Variants in TONSL observed in about 807,000 individuals in gnomAD.
TONSL encodes tonsoku like, DNA repair protein, also known as tonsoku-like protein.
Under a neutral mutation model 147.1 loss-of-function variants are expected in TONSL, and 112 were observed. The ratio of observed to expected loss-of-function variants is 0.76; its 90% CI spans 0.65 to 0.89. TONSL has a LOEUF of 0.89. TONSL is among the 40% of genes least tolerant of loss of function. The pLI is 0.00. For missense variants in TONSL, 1,883 were observed against 1,864.6 expected (o/e 1.01, Z -0.18); for synonymous variants, 868 against 801.5 (o/e 1.08, Z -1.40).
intron 11 of TONSL, 178 bp downstream of exon 11, chr8:144,439,843 C>G (rs904988845): frequency 2.2e-5 from 12 of 557,894 alleles, no homozygotes; most frequent in Non-Finnish European, 3.7e-5. Flanking sequence ...CAAGGCCGCC[C>G]CAGGCTCCCT....
At chr8:144,440,625 G>A (rs1341115716) in intron 9 of TONSL, 93 bp downstream of exon 9, 2 of 1,538,668 alleles carry the variant, frequency 1.3e-6, no homozygotes, top group Non-Finnish European at 1.8e-6. Flanking sequence ...TGCCCGTCCA[G>A]TAAGGACACC....
At chr8:144,440,905 C>T (rs1823693163) in intron 8 of TONSL, 35 bp from the exon 9 acceptor site, 5 of 1,612,426 alleles carry the variant, frequency 3.1e-6, no homozygotes, top group East Asian at 2.2e-5. Context: ...GGGGCTGCCA[C>T]CCTGGCCAGG....
In TONSL at chr8:144,435,903, G is replaced by A. The variant is rs200813129; in HGVS notation, c.2530C>T (p.Arg844Cys). Reference sequence around the variant, plus strand: ...CCCCGGGGGCGGGGCCGGCGGCTGCGGGTCAGGGGCATGTCCAGCTCCAGC... The same window carrying A: ...CCCCGGGGGCGGGGCCGGCGGCTGCAGGTCAGGGGCATGTCCAGCTCCAGC... ...DWLELDMPLT[R>C]SRRPRPRGTG... Residue 844 changes from arginine (R) to cysteine (C), a missense_variant, in exon 17 of 26, where the codon CGC becomes TGC. Transcript: ENST00000409379. 178 of 1,593,618 alleles carry A rather than the reference G, an allele frequency of 1.1e-4. 1 individual carries two copies. The African/African-American group carries it at 1.2e-3, about 11-fold the overall frequency.
At chr8:144,434,918 G>C (rs1475156319) in intron 19 of TONSL, 29 bp from the exon 20 acceptor site, 1 of 1,612,640 alleles carries the variant, frequency 6.2e-7, no homozygotes, top group Admixed American at 1.7e-5. Flanking sequence ...AGCCACCTGG[G>C]GGCTCCCCCG....
At chr8:144,432,494 G>A (rs1554878940) in intron 22 of TONSL, 34 bp from the exon 23 acceptor site, 1 of 1,516,438 alleles carries the variant, frequency 6.6e-7, no homozygotes, top group Non-Finnish European at 8.8e-7. Context: ...AGCCCCACGT[G>A]GCCACAGCCC....
chr8:144,434,956 T>A (rs951062344), intron 19 of TONSL, 61 bp downstream of exon 19: 26 of 1,611,668 alleles, frequency 1.6e-5, no homozygotes, highest in Non-Finnish European at 2.1e-5. Context: ...TCTGCAGCCA[T>A]GAGCCACCCG....
chr8:144,431,506 GT>G (rs1315628077), intron 23 of TONSL, among the ~76,000 whole-genome samples: 1 of 151,850 alleles, frequency 6.6e-6, no homozygotes, highest in Non-Finnish European at 1.5e-5. Flanking sequence ...TCCCCCAGCT[GT>G]TTTTTTCTTT....
At position 144,429,349 on chromosome 8, in the gene TONSL, A is replaced by C; in HGVS notation, c.3944-13T>G. On this transcript the variant is annotated splice_polypyrimidine_tract_variant and intron_variant, in intron 25 of 25. Transcript: ENST00000409379. ...TGGACGGCGCAGCCTGCGGAGGGGA[A>C]GAGGGCAGACCTCAGCGCTGCGGGG... The C allele has an allele frequency of 7.0e-7, 1 of 1,425,202 alleles. No homozygotes were observed. Among genetic ancestry groups the C allele is most frequent in the African/African-American group, 1.5e-5 (1 of 67,380 alleles). The allele number at this position is 1,425,202 out of a possible 1,614,324, so 88.3% of individuals were successfully genotyped here.
At position 144,436,263 on chromosome 8, in the gene TONSL, C is replaced by T. The variant is rs1281588753; in HGVS notation, c.2170G>A (p.Ala724Thr). ...CTCCGAGGCCTGGCCATGGCTGGTG[C>T]CGCCTGCCCTGGGGAGACCCTGACA... ...AHVRVSPGQAAPAMARPRRSR... is the reference protein window; with the variant it reads ...AHVRVSPGQATPAMARPRRSR... Residue 724 changes from alanine to threonine, a missense_variant, in exon 17 of 26, where the codon GCA (alanine) becomes ACA (threonine). Physicochemically the swap from Ala to Thr is moderately conservative, Grantham distance 58. Transcript: ENST00000409379. 1 of 1,527,566 alleles carries T rather than the reference C, an allele frequency of 6.5e-7. No individual in the cohort carries two copies. Among genetic ancestry groups the T allele is most frequent in the Non-Finnish European group, 8.8e-7 (1 of 1,141,908 alleles). 94.6% of individuals were successfully genotyped at this position (1,527,566 alleles called of 1,614,324 possible).
chr8:144,435,466 T>G lies in TONSL; in HGVS notation c.2852+8A>C. 1 of 1,538,644 alleles carries G rather than the reference T, an allele frequency of 6.5e-7. No individual in the cohort carries two copies. Among genetic ancestry groups the G allele is most frequent in the Non-Finnish European group, 8.8e-7 (1 of 1,138,900 alleles). Reference sequence around the variant, plus strand: ...GTGGGCTGCGGGGTAGGGCAGGCGATGCCTCACCTGTGTGGGACAGGGATG... The same window carrying G: ...GTGGGCTGCGGGGTAGGGCAGGCGAGGCCTCACCTGTGTGGGACAGGGATG... On this transcript the variant is annotated splice_region_variant and intron_variant, in intron 18 of 25. Coordinates refer to ENST00000409379, the MANE Select transcript of TONSL (RefSeq NM_013432.5).
rs1224148216 is a variant in TONSL at position 144,435,793 on chromosome 8, G to C, written c.2640C>G (p.Arg880=). 6.2e-7 allele frequency: 1 copy of C among 1,612,842 alleles called. No homozygotes were observed. Residue 880 remains arginine, a synonymous_variant, in exon 17 of 26, where the codon CGC becomes CGG. Coordinates refer to ENST00000409379, the MANE Select transcript of TONSL (RefSeq NM_013432.5). ...CACTGCAACTCTGCATGCAGGTCAG[G>C]CGGACCTGCTTGGCTCGGGCACGGG... ...SRPRARAKQV[R]LTCMQSCSAP...
rs550836987 is a variant in TONSL at position 144,432,467 on chromosome 8, C to T, written c.3560-7G>A. ...GTCTTCAGGTGCTCAGCATCTGCAC[C>T]GGGGCCAGAATCCGTCAGCCCCACG... On this transcript the variant is annotated splice_region_variant and splice_polypyrimidine_tract_variant and intron_variant, in intron 22 of 25. Coordinates refer to ENST00000409379, the MANE Select transcript of TONSL (RefSeq NM_013432.5). The T allele has an allele frequency of 1.0e-5, 16 of 1,526,114 alleles. No homozygotes were observed. The highest frequency in any genetic ancestry group is 7.0e-5 in the East Asian group (3 of 42,786). 94.5% of individuals were successfully genotyped at this position (1,526,114 alleles called of 1,614,324 possible). A position where few individuals can be genotyped will look rare whatever the true frequency, so the allele number is the denominator to read the frequency against.
chr8:144,430,450 G>A lies in TONSL; in HGVS notation c.3897C>T (p.Ser1299=). ...ISCASLEELL[S]TLQKRPQGLS... ...GGCCTTGGGGCCGCTTTTGGAGGGT[G>A]GACAGGAGCTCTTCCAAGCTGGCAC... Residue 1299 remains serine, a synonymous_variant, in exon 25 of 26, where the codon TCC becomes TCT. Transcript: ENST00000409379. 1.9e-6 allele frequency: 3 copies of A among 1,612,930 alleles called. No individual in the cohort carries two copies. The highest frequency in any genetic ancestry group is 2.5e-6 in the Non-Finnish European group (3 of 1,179,492).
chr8:144,438,725 G>A lies in TONSL; in HGVS notation c.1491C>T (p.Thr497=), dbSNP rs780691280. Residue 497 remains threonine (T), a synonymous_variant, in exon 12 of 26, where the codon ACC becomes ACT. Coordinates refer to ENST00000409379, the MANE Select transcript of TONSL (RefSeq NM_013432.5). ...CCTCCAGCTGCGGGGTCAGGCCATCGGTGTCGTCCTCTGGAACAGAGCCAA... is the reference window on the plus strand; with the variant it reads ...CCTCCAGCTGCGGGGTCAGGCCATCAGTGTCGTCCTCTGGAACAGAGCCAA... ...EVELSEGEDD[T]DGLTPQLEED... is the part of the protein sequence containing the mutation. The A allele has an allele frequency of 2.8e-5, 45 of 1,612,944 alleles. 2 individuals carry two copies. In the Middle Eastern group the frequency reaches 1.3e-3, roughly 47 times the overall value.
intron 2 of TONSL, 31 bp from the exon 3 acceptor site, chr8:144,444,055 C>T: frequency 6.7e-7 from 1 of 1,484,874 alleles, no homozygotes; most frequent in African/African-American, 1.4e-5. Context: ...GCCTGGCAGG[C>T]GTCGCGGGTG....
At chr8:144,433,819 G>A in intron 21 of TONSL, 60 bp from the exon 22 acceptor site, 2 of 1,506,814 alleles carry the variant, frequency 1.3e-6, no homozygotes, top group African/African-American at 1.4e-5. Flanking sequence ...GGTCCCCCTT[G>A]GGGCTTGGCT....
At chr8:144,442,464 T>C in intron 5 of TONSL, 52 bp from the exon 6 acceptor site, 1 of 1,508,144 alleles carries the variant, frequency 6.6e-7, no homozygotes. Context: ...TGACAGCTGC[T>C]GATGCCACAC....
intron 3 of TONSL, 63 bp downstream of exon 3, chr8:144,443,819 C>T: frequency 1.3e-6 from 2 of 1,531,592 alleles, no homozygotes; most frequent in Non-Finnish European, 1.8e-6. Context: ...ACCAGGCCTC[C>T]CTCCTCAGAA....
Position 144,430,803 on chromosome 8 carries a change from A to G in TONSL, c.3810-266T>C, listed in dbSNP as rs535488729. On this transcript the variant is annotated intron_variant, in intron 24 of 25. Transcript: ENST00000409379. ...AGAGAGCTGACTGAGGCTCCAGGTC[A>G]TAAGAGCAGTGCCCTCATGTGGGCC... Among the ~76,000 whole-genome samples the G allele has an allele frequency of 1.3e-4, 20 of 152,348 alleles. No individual in the cohort carries two copies. The South Asian group carries it at 3.5e-3, about 27-fold the overall frequency.
Sources: gnomAD v4.1 joint callset for allele counts (sites outside exome capture counted in the v4.1 genomes callset) on GRCh38, gnomAD v4.1.1 for gene constraint, MANE v1.5 for transcripts, NCBI Gene and HGNC (gene_info 2026-07-23, HGNC 2026-07-21) for gene names.